NLGN1: variants seen among roughly 807,000 people sequenced by gnomAD.
NLGN1 encodes the protein neuroligin-1.
In NLGN1, 12 loss-of-function variants were observed where a neutral mutation model predicts 65.5. The observed-to-expected ratio is 0.18, with a 90% confidence interval of 0.12 to 0.30. The LOEUF (loss-of-function observed/expected upper bound fraction) is 0.30. Ranked by LOEUF, NLGN1 falls within the 10% of genes least tolerant of loss-of-function variation. NLGN1 has a pLI of 1.00. For missense variants in NLGN1, 750 were observed against 1,007.1 expected (o/e 0.74, Z 3.46); for synonymous variants, 350 against 359.5 (o/e 0.97, Z 0.30).
At chr3:173,901,368 G>GTGT (rs1553884974) in intron 4 of NLGN1, among the ~76,000 whole-genome samples, 4 of 150,358 alleles carry the variant, frequency 2.7e-5, no homozygotes, top group African/African-American at 7.3e-5. Flanking sequence ...TTTTTTTGGG[G>GTGT]GGGTGTGTGT....
At chr3:173,725,431 C>T (rs1771603729) in intron 3 of NLGN1, among the ~76,000 whole-genome samples, 1 of 152,138 alleles carries the variant, frequency 6.6e-6, no homozygotes, top group Non-Finnish European at 1.5e-5. Flanking sequence ...CTGCTTCATG[C>T]AGTATGTCCA....
At chr3:173,447,819 G>C (rs535222196) in intron 2 of NLGN1, among the ~76,000 whole-genome samples, 79 of 152,232 alleles carry the variant, frequency 5.2e-4, no homozygotes, top group African/African-American at 1.9e-3. Context: ...TCTCTTTGAA[G>C]CAGTTGTGAA....
intron 4 of NLGN1, among the ~76,000 whole-genome samples, chr3:174,104,507 C>G (rs1411123891): frequency 1.3e-5 from 2 of 152,010 alleles, no homozygotes; most frequent in African/African-American, 4.8e-5. Context: ...ATAGATTATG[C>G]CTTTAAGTAT....
At chr3:173,705,563 A>G (rs544897361) in intron 3 of NLGN1, among the ~76,000 whole-genome samples, 2 of 152,310 alleles carry the variant, frequency 1.3e-5, no homozygotes, top group African/African-American at 4.8e-5. Flanking sequence ...TGGCTAATTA[A>G]AATGTTGTTG....
chr3:173,658,210 T>A (rs1760379547), intron 3 of NLGN1, among the ~76,000 whole-genome samples: 1 of 152,004 alleles, frequency 6.6e-6, no homozygotes, highest in South Asian at 2.1e-4. Context: ...ATATCGGGTC[T>A]TTGCAGATAG....
At chr3:173,612,284 G>A (rs1752420871) in intron 3 of NLGN1, among the ~76,000 whole-genome samples, 1 of 152,056 alleles carries the variant, frequency 6.6e-6, no homozygotes, top group Non-Finnish European at 1.5e-5. Context: ...TTTATAACTG[G>A]ACAGAGTACT....
At chr3:174,066,548 C>G (rs868338911) in intron 4 of NLGN1, among the ~76,000 whole-genome samples, 36 of 113,504 alleles carry the variant, frequency 3.2e-4, no homozygotes, top group Middle Eastern at 4.1e-3. Flanking sequence ...CTCTCTCTCT[C>G]TCTCTCTCTC....
chr3:173,677,930 T>A (rs1047453479), intron 3 of NLGN1, among the ~76,000 whole-genome samples: 6 of 152,176 alleles, frequency 3.9e-5, no homozygotes, highest in Middle Eastern at 3.2e-3. Context: ...TATTCATTCT[T>A]TGACACCATG....
At chr3:173,848,857 G>A (rs536780227) in intron 4 of NLGN1, among the ~76,000 whole-genome samples, 27 of 152,174 alleles carry the variant, frequency 1.8e-4, no homozygotes, top group South Asian at 1.7e-3. Flanking sequence ...AAATTAAATA[G>A]GATATACCAA....
rs1444067563 is a variant in NLGN1 at position 173,604,388 on chromosome 3, G to A, written c.-211G>A. ...AAAACAGAATGTTCAATAGGATATG[G>A]TCTGATAAATAGTGATGATTGAAGA... On this transcript the variant is annotated 5_prime_UTR_variant, in exon 3 of 7. An upstream open reading frame in the 5' UTR gains an earlier in-frame stop. Transcript: ENST00000457714. The A allele has an allele frequency of 1.5e-5, 9 of 620,330 alleles. No homozygotes were observed. Among genetic ancestry groups the A allele is most frequent in the Non-Finnish European group, 2.6e-5 (9 of 350,562 alleles). The allele number at this position is 620,330 out of a possible 1,614,324, so 38.4% of individuals were successfully genotyped here.
chr3:173,817,725 C>T (rs1015397250), intron 4 of NLGN1, among the ~76,000 whole-genome samples: 10 of 152,064 alleles, frequency 6.6e-5, no homozygotes, highest in African/African-American at 2.4e-4. Flanking sequence ...ATATAGTAAT[C>T]ATGTAATCAT....
At chr3:173,993,645 C>CTAGATAGATGATAGA (rs2152416117) in intron 4 of NLGN1, among the ~76,000 whole-genome samples, 1 of 117,534 alleles carries the variant, frequency 8.5e-6, no homozygotes, top group South Asian at 2.9e-4. Flanking sequence ...AGAAAGATAG[C>CTAGATAGATGATAGA]TAGATAGATG....
At chr3:173,447,169 GT>G (rs1364968363) in intron 2 of NLGN1, among the ~76,000 whole-genome samples, 1 of 152,166 alleles carries the variant, frequency 6.6e-6, no homozygotes, top group African/African-American at 2.4e-5. Flanking sequence ...TAATGTCTAG[GT>G]TTTCTTCTAG....
intron 2 of NLGN1, among the ~76,000 whole-genome samples, chr3:173,435,990 CT>C (rs1174324269): frequency 6.6e-6 from 1 of 152,156 alleles, no homozygotes; most frequent in Admixed American, 6.5e-5. Flanking sequence ...AACTGACTCT[CT>C]GTTCTTTGTA....
At chr3:173,531,299 A>G (rs980590504) in intron 2 of NLGN1, among the ~76,000 whole-genome samples, 2 of 152,162 alleles carry the variant, frequency 1.3e-5, no homozygotes, top group African/African-American at 4.8e-5. Context: ...AAAGTTTGGT[A>G]TAAATGTAGA....
rs138551721 is a variant in NLGN1, at chr3:173,477,493, A to G, written c.-321+42415A>G. ...CAGAAATTCGAGGCTACAGTGAACT[A>G]TGATCCTGCCAGTGCATTCCAAACT... On this transcript the variant is annotated intron_variant, in intron 2 of 6. Transcript: ENST00000457714. Among the ~76,000 whole-genome samples, 210 of 152,284 alleles carry G rather than the reference A, an allele frequency of 1.4e-3. 1 individual carries two copies. The highest frequency in any genetic ancestry group is 4.9e-3 in the African/African-American group (204 of 41,566).
At chr3:173,778,073 G>C (rs79640017) in intron 3 of NLGN1, among the ~76,000 whole-genome samples, 5,172 of 151,652 alleles carry the variant, frequency 0.034, 139 homozygotes, top group Middle Eastern at 0.061. Flanking sequence ...GTTCATCCTT[G>C]GTACCTGCAA....
At chr3:173,707,511 A>G (rs1037955297) in intron 3 of NLGN1, among the ~76,000 whole-genome samples, 1 of 151,956 alleles carries the variant, frequency 6.6e-6, no homozygotes, top group South Asian at 2.1e-4. Context: ...TAATAATTAT[A>G]TATTATTACA....
chr3:174,108,016 G>A (rs1714328423), intron 4 of NLGN1, among the ~76,000 whole-genome samples: 1 of 151,962 alleles, frequency 6.6e-6, no homozygotes, highest in South Asian at 2.1e-4. Flanking sequence ...TAAGTTCCTT[G>A]TACCATATTT....
Sources: gnomAD v4.1 joint callset for allele counts (sites outside exome capture counted in the v4.1 genomes callset) on GRCh38, gnomAD v4.1.1 for gene constraint, MANE v1.5 for transcripts, NCBI Gene and HGNC (gene_info 2026-07-23, HGNC 2026-07-21) for gene names.